The following NPTX1 variants were observed in gnomAD, a reference collection of about 807,000 sequenced individuals.
NPTX1 encodes the protein neuronal pentraxin-1.
NPTX1 carries 12 observed loss-of-function variants against 38.7 expected under a neutral mutation model. That is an observed-to-expected ratio of 0.31 (90% CI 0.20 to 0.50). The LOEUF (loss-of-function observed/expected upper bound fraction) is 0.50, where lower values mean the gene tolerates loss of function less well. Among genes scored for constraint, NPTX1 ranks in the 20% least tolerant of loss-of-function variants. NPTX1 has a pLI of 0.98. For synonymous variants in NPTX1, 272 were observed against 264.9 expected (o/e 1.03, Z -0.26); for missense variants, 454 against 592.2 (o/e 0.77, Z 2.42).
Position 80,471,104 on chromosome 17 carries a change from G to C in NPTX1, c.1078-70C>G, listed in dbSNP as rs565385757. 2.8e-5 allele frequency: 34 copies of C among 1,210,910 alleles called. No individual in the cohort carries two copies. In the South Asian group the frequency reaches 4.3e-4, roughly 15 times the overall value. The allele number at this position is 1,210,910 out of a possible 1,614,324, so 75.0% of individuals were successfully genotyped here. On this transcript the variant is annotated intron_variant, in intron 4 of 4. Coordinates refer to ENST00000306773, the MANE Select transcript of NPTX1 (RefSeq NM_002522.4). Reference sequence around the variant, plus strand: ...GTCTGGGGGCCCATCCCTAGGCCGGGGATCTGAGTGCCTCTGTGCCTGCCC... The same window carrying C: ...GTCTGGGGGCCCATCCCTAGGCCGGCGATCTGAGTGCCTCTGTGCCTGCCC...
chr17:80,473,757 G>T (rs1326888549), intron 2 of NPTX1: 3 of 381,026 alleles, frequency 7.9e-6, no homozygotes, highest in Non-Finnish European at 9.7e-6. Context: ...GGGCTGCGTG[G>T]TGGGCATGAG....
chr17:80,472,271 G>A (rs755343964), intron 3 of NPTX1, among the ~76,000 whole-genome samples: 1 of 152,150 alleles, frequency 6.6e-6, no homozygotes, highest in African/African-American at 2.4e-5. Context: ...GCCTCTCAAG[G>A]CTCCGTGCGA....
Position 80,467,709 on chromosome 17 carries a change from T to G in NPTX1, c.*3104A>C, listed in dbSNP as rs922545640. ...AGAAAGCATACAAAATGTATCTCTT[T>G]CTTCCAAAATACATGCTTTCAGTTC... On this transcript the variant is annotated 3_prime_UTR_variant, in exon 5 of 5. Coordinates refer to ENST00000306773, the MANE Select transcript of NPTX1 (RefSeq NM_002522.4). 6.6e-6 allele frequency: 1 copy of G among 152,424 alleles called. No individual in the cohort carries two copies. Among genetic ancestry groups the G allele is most frequent in the African/African-American group, 2.4e-5 (1 of 41,466 alleles). 9.4% of individuals were successfully genotyped at this position (152,424 alleles called of 1,614,324 possible).
Position 80,476,030 on chromosome 17 carries a change from C to A in NPTX1, c.417G>T (p.Ser139=), listed in dbSNP as rs1416069729. The A allele has an allele frequency of 1.2e-6, 2 of 1,608,586 alleles. No individual in the cohort carries two copies. Among genetic ancestry groups the A allele is most frequent in the Non-Finnish European group, 1.7e-6 (2 of 1,178,248 alleles). The stretch of plus-strand genomic sequence containing the variant: ...CGAGGTTCTCCAGGCGGGTTTTGAG[C>A]GATTGCAAAGTTTGCCCGAGTTGGC... ...TLSQLGQTLQ[S]LKTRLENLEQ... The change falls in exon 1 of 5, where the codon TCG becomes TCT. Residue 139 remains serine (S), a synonymous_variant. Coordinates refer to ENST00000306773, the MANE Select transcript of NPTX1 (RefSeq NM_002522.4). The surrounding 1 kb of genome is among the most constrained non-coding windows in gnomAD (Gnocchi z 6.3).
In NPTX1 at chr17:80,467,694, C is replaced by A. The variant is rs2083813896; in HGVS notation, c.*3119G>T. 1 of 152,406 alleles carries A rather than the reference C, an allele frequency of 6.6e-6. No individual in the cohort carries two copies. Among genetic ancestry groups the A allele is most frequent in the Non-Finnish European group, 1.5e-5 (1 of 68,018 alleles). 9.4% of individuals were successfully genotyped at this position (152,406 alleles called of 1,614,324 possible). A position where few individuals can be genotyped will look rare whatever the true frequency, so the allele number is the denominator to read the frequency against. On this transcript the variant is annotated 3_prime_UTR_variant, in exon 5 of 5. Transcript: ENST00000306773. ...ATCTACAAAAGGAAAAGAAAGCATA[C>A]AAAATGTATCTCTTTCTTCCAAAAT...
At chr17:80,473,638 A>T (rs1207893427) in intron 2 of NPTX1, 194 bp from the exon 3 acceptor site, 1 of 603,436 alleles carries the variant, frequency 1.7e-6, no homozygotes. Flanking sequence ...TAAAGAGCTG[A>T]CCCAAGCTCT....
In NPTX1 at chr17:80,466,976, T is replaced by A. The variant is rs1271733442; in HGVS notation, c.*3837A>T. Among the ~76,000 whole-genome samples the A allele has an allele frequency of 2.0e-5, 3 of 151,322 alleles. No individual in the cohort carries two copies. Among genetic ancestry groups the A allele is most frequent in the Admixed American group, 2.0e-4 (3 of 15,214 alleles). On this transcript the variant is annotated 3_prime_UTR_variant, in exon 5 of 5. Coordinates refer to ENST00000306773, the MANE Select transcript of NPTX1 (RefSeq NM_002522.4). ...TGCTGATGGGAGGTGGCAGGTCCCATGGTTTTGACCCATTTGATACCCAAA... is the reference window on the plus strand; with the variant it reads ...TGCTGATGGGAGGTGGCAGGTCCCAAGGTTTTGACCCATTTGATACCCAAA...
At position 80,470,602 on chromosome 17, in the gene NPTX1, C is replaced by T. The variant is rs565028026; in HGVS notation, c.*211G>A. On this transcript the variant is annotated 3_prime_UTR_variant, in exon 5 of 5. Transcript: ENST00000306773. ...GGGCATGCCTGAGAGAGTCCGGGCT[C>T]CTACAGAGAAGTGGGGCTTCCTCAG... is the stretch of plus-strand genomic sequence containing the variant. 3.1e-5 allele frequency: 16 copies of T among 518,128 alleles called. No homozygotes were observed. Among genetic ancestry groups the T allele is most frequent in the Non-Finnish European group, 4.9e-5 (14 of 287,690 alleles). 32.1% of individuals were successfully genotyped at this position (518,128 alleles called of 1,614,324 possible).
rs1394061189 is a variant in NPTX1, at chr17:80,470,957, C to T, written c.1155G>A (p.Lys385=). ...GGTTGTACACCTCCCCGGGGGTCAG[C>T]TTGCGGTCCCAGATGTTGAAGTGGG... ...ELAHFNIWDR[K]LTPGEVYNLA... The change falls in exon 5 of 5, where the codon AAG becomes AAA. Residue 385 remains lysine (K), a synonymous_variant. Coordinates refer to ENST00000306773, the MANE Select transcript of NPTX1 (RefSeq NM_002522.4). The T allele has an allele frequency of 4.3e-6, 7 of 1,613,658 alleles. No individual in the cohort carries two copies. The highest frequency in any genetic ancestry group is 5.9e-6 in the Non-Finnish European group (7 of 1,179,768).
Position 80,475,794 on chromosome 17 carries a change from G to T in NPTX1, c.445-76C>A. ...ACCGTGCTGGAAGGCCCGCGGCGCG[G>T]TCCCCTCTGGGCGACTGCGGGGGCG... On this transcript the variant is annotated intron_variant, in intron 1 of 4. Transcript: ENST00000306773. This position sits in a 1 kb window ranked among gnomAD's most constrained non-coding sequence, Gnocchi z 6.5. The T allele has an allele frequency of 8.1e-7, 1 of 1,233,048 alleles. No homozygotes were observed. The highest frequency in any genetic ancestry group is 1.2e-6 in the Non-Finnish European group (1 of 867,578). 76.4% of individuals were successfully genotyped at this position (1,233,048 alleles called of 1,614,324 possible).
In NPTX1 at chr17:80,473,430, G is replaced by C; in HGVS notation, c.667C>G (p.Arg223Gly). The change falls in exon 3 of 5, where the codon CGC (arginine) becomes GGC (glycine). Residue 223 changes from arginine (R) to glycine (G), a missense_variant. Physicochemically the swap from Arg to Gly is moderately radical, Grantham distance 125. Around this residue, in one of 4 missense-constraint regions of NPTX1, gnomAD observed 288 missense variants for 318.4 expected, o/e 0.90. Coordinates refer to ENST00000306773, the MANE Select transcript of NPTX1 (RefSeq NM_002522.4). ...GTGAGCTGGAACTTGTCTCCAGGGCGGTTGTCTTTCTGACCTGCGGAAGAC... is the reference window on the plus strand; with the variant it reads ...GTGAGCTGGAACTTGTCTCCAGGGCCGTTGTCTTTCTGACCTGCGGAAGAC... ...SELEKGQKDN[R>G]PGDKFQLTFP... 1 of 1,613,868 alleles carries C rather than the reference G, an allele frequency of 6.2e-7. No homozygotes were observed. The highest frequency in any genetic ancestry group is 8.5e-7 in the Non-Finnish European group (1 of 1,179,912).
At position 80,467,148 on chromosome 17, in the gene NPTX1, G is replaced by A. The variant is rs201636947; in HGVS notation, c.*3665C>T. On this transcript the variant is annotated 3_prime_UTR_variant, in exon 5 of 5. Transcript: ENST00000306773. The stretch of plus-strand genomic sequence containing the variant: ...TTGCTTTTTTTTTTTTTTTTTTTTT[G>A]GCAAATGAGACAAAATTGGGACTCT... 4 of 24,116 alleles carry A rather than the reference G, an allele frequency of 1.7e-4. No individual in the cohort carries two copies. Among genetic ancestry groups the A allele is most frequent in the African/African-American group, 6.4e-4 (4 of 6,260 alleles). The allele number at this position is 24,116 out of a possible 1,614,324, so 1.5% of individuals were successfully genotyped here.
chr17:80,474,038 A>G (rs1168457898), intron 2 of NPTX1: 2 of 155,620 alleles, frequency 1.3e-5, no homozygotes, highest in Non-Finnish European at 2.8e-5. Context: ...CCCACCTCCA[A>G]GGCCCTTCCT....
chr17:80,471,476 A>G (rs891760223), intron 4 of NPTX1, among the ~76,000 whole-genome samples: 7 of 152,236 alleles, frequency 4.6e-5, no homozygotes, highest in African/African-American at 1.7e-4. Context: ...ATTATGCATC[A>G]CTAAAAGCAG....
Position 80,471,727 on chromosome 17 carries a change from A to T in NPTX1, c.1077+5T>A, listed in dbSNP as rs2083843377. On this transcript the variant is annotated splice_donor_5th_base_variant and intron_variant, in intron 4 of 4. Transcript: ENST00000306773. ...TCCCCTTCCCCACCACATCCAGCAC[A>T]GTACCTGCTCCTGGCCCAGCACCAG... The T allele has an allele frequency of 2.5e-6, 4 of 1,610,700 alleles. No individual in the cohort carries two copies. Among genetic ancestry groups the T allele is most frequent in the African/African-American group, 1.3e-5 (1 of 74,902 alleles).
chr17:80,474,575 C>A (rs1462011897), intron 2 of NPTX1: 1 of 152,390 alleles, frequency 6.6e-6, no homozygotes, highest in African/African-American at 2.4e-5. Flanking sequence ...GCTACCCCAA[C>A]CCATTGAGGC....
chr17:80,474,852 A>G (rs2083869347), intron 2 of NPTX1, among the ~76,000 whole-genome samples: 1 of 136,214 alleles, frequency 7.3e-6, no homozygotes, highest in South Asian at 2.3e-4. Context: ...ACTTCAAGAC[A>G]GAGCCTCCAG....
chr17:80,471,159 T>C, intron 4 of NPTX1, 125 bp from the exon 5 acceptor site: 1 of 697,170 alleles, frequency 1.4e-6, no homozygotes, highest in Non-Finnish European at 2.4e-6. Context: ...CACTCCTAGG[T>C]GCCGTTTCGT....
Position 80,475,720 on chromosome 17 carries a change from T to C in NPTX1, c.445-2A>G. On this transcript the variant is annotated splice_acceptor_variant, in intron 1 of 4. Transcript: ENST00000306773. LOFTEE classifies it high-confidence loss of function. The surrounding 1 kb of genome is among the most constrained non-coding windows in gnomAD (Gnocchi z 6.5). Reference sequence around the variant, plus strand: ...GGAGGAATTGAGGCGGCTGTACTGCTGCGGGGTGCAAGGGCGGGGGAAACC... The same window carrying C: ...GGAGGAATTGAGGCGGCTGTACTGCCGCGGGGTGCAAGGGCGGGGGAAACC... 1 of 1,607,052 alleles carries C rather than the reference T, an allele frequency of 6.2e-7. No individual in the cohort carries two copies. Among genetic ancestry groups the C allele is most frequent in the Non-Finnish European group, 8.5e-7 (1 of 1,176,884 alleles).
Sources: allele counts gnomAD v4.1 joint callset (sites outside exome capture counted in the v4.1 genomes callset), GRCh38; gene constraint gnomAD v4.1.1; regional missense constraint gnomAD v4.1.1; non-coding constraint Gnocchi (gnomAD v3.1); transcripts MANE v1.5; gene names NCBI Gene and HGNC (gene_info 2026-07-23, HGNC 2026-07-21).